The following FANCI variants were observed in gnomAD, a reference collection of about 807,000 sequenced individuals.
FANCI encodes FA complementation group I.
In FANCI, 156 loss-of-function variants were observed where a neutral mutation model predicts 176.1. The observed-to-expected ratio is 0.89, with a 90% CI of 0.78 to 1.01. The LOEUF (loss-of-function observed/expected upper bound fraction) is 1.01. FANCI is among the 50% of genes least tolerant of loss of function. The probability of loss-of-function intolerance (pLI) is 0.00; values close to 1 mark genes in which losing one functional copy is unlikely to be tolerated. For missense variants in FANCI, 1,678 were observed against 1,534.1 expected (o/e 1.09, Z -1.57); for synonymous variants, 613 against 541.7 (o/e 1.13, Z -1.83).
At chr15:89,276,523 C>G (rs555563839) in intron 12 of FANCI, among the ~76,000 whole-genome samples, 188 bp from the exon 13 acceptor site, 8 of 152,180 alleles carry the variant, frequency 5.3e-5, no homozygotes, top group Non-Finnish European at 1.2e-4. Flanking sequence ...CACTTGCCTG[C>G]TGTTCCCATT....
chr15:89,302,270 A>G (rs775705035), intron 27 of FANCI, among the ~76,000 whole-genome samples: 1 of 152,112 alleles, frequency 6.6e-6, no homozygotes, highest in Non-Finnish European at 1.5e-5. Context: ...CTGTCGTCCT[A>G]CTTCCAGGTT....
intron 10 of FANCI, among the ~76,000 whole-genome samples, chr15:89,269,382 T>TAAAATGTCTTTTGCAGCTGTGTA (rs1273964527): frequency 1.3e-5 from 2 of 152,166 alleles, no homozygotes; most frequent in Non-Finnish European, 2.9e-5. Context: ...CAGTTGTCTC[T>TAAAATGTCTTTTGCAGCTGTGTA]AAAATGTCTT....
chr15:89,316,610 T>A lies in FANCI; in HGVS notation c.*151T>A, dbSNP rs571347510. 460 of 1,105,786 alleles carry A rather than the reference T, an allele frequency of 4.2e-4. 5 individuals are homozygous for A. The South Asian group carries it at 5.7e-3, about 14-fold the overall frequency. 68.5% of individuals were successfully genotyped at this position (1,105,786 alleles called of 1,614,324 possible). ...ACTGCACCTTCAGTTAGAAGGAATCTTCTTGGCAGGTCCTGCTACTGAAAA... is the reference window on the plus strand; with the variant it reads ...ACTGCACCTTCAGTTAGAAGGAATCATCTTGGCAGGTCCTGCTACTGAAAA... On this transcript the variant is annotated 3_prime_UTR_variant, in exon 38 of 38. Coordinates refer to ENST00000310775, the MANE Select transcript of FANCI (RefSeq NM_001113378.2).
At chr15:89,250,352 T>C (rs898309459) in intron 2 of FANCI, among the ~76,000 whole-genome samples, 4 of 152,160 alleles carry the variant, frequency 2.6e-5, no homozygotes, top group Non-Finnish European at 5.9e-5. Context: ...CACCATGGAA[T>C]ACTATGCAGC....
rs201736462 is a variant in FANCI, at chr15:89,307,485, G to T, written c.3547G>T (p.Val1183Leu). 6.2e-7 allele frequency: 1 copy of T among 1,614,066 alleles called. No homozygotes were observed. Among genetic ancestry groups the T allele is most frequent in the East Asian group, 2.2e-5 (1 of 44,888 alleles). Residue 1183 changes from valine to leucine, a missense_variant, in exon 33 of 38, where the codon GTG becomes TTG. Physicochemically the swap from Val to Leu is conservative, Grantham distance 32 (BLOSUM62 1). Transcript: ENST00000310775. ...AATCTTTTTTTATTAGTATCTCCAG[G>T]TGTGTCAGAGCTCCGGAGGAATTCC... ...LTALVRYYLQVCQSSGGIPKN... is the reference protein window; with the variant it reads ...LTALVRYYLQLCQSSGGIPKN...
chr15:89,260,973 A>G (rs953403870), intron 4 of FANCI, 130 bp downstream of exon 4: 19 of 1,211,748 alleles, frequency 1.6e-5, no homozygotes, highest in Non-Finnish European at 2.3e-5. Flanking sequence ...TTGTTAAAAA[A>G]CAAAGAAGCA....
chr15:89,258,056 T>G (rs529844552), intron 2 of FANCI, among the ~76,000 whole-genome samples: 39 of 151,802 alleles, frequency 2.6e-4, no homozygotes, highest in Non-Finnish European at 5.7e-4. Flanking sequence ...TTTATTATTC[T>G]CCAGCCATGT....
At chr15:89,294,612 C>G (rs2054184293) in intron 23 of FANCI, among the ~76,000 whole-genome samples, 1 of 148,186 alleles carries the variant, frequency 6.7e-6, no homozygotes, top group South Asian at 2.2e-4. Flanking sequence ...GGGGGGGTGA[C>G]TGAATTAAAA....
intron 1 of FANCI, among the ~76,000 whole-genome samples, chr15:89,246,671 T>C (rs1192136106): frequency 2.6e-5 from 4 of 152,162 alleles, no homozygotes; most frequent in Non-Finnish European, 5.9e-5. Flanking sequence ...CAGTTCAAGC[T>C]TTCCTCTGCT....
rs2053580218 is a variant in FANCI at position 89,280,690 on chromosome 15, TA to T, written c.1382-478del. Among the ~76,000 whole-genome samples, 23 of 152,328 alleles carry T rather than the reference TA, an allele frequency of 1.5e-4. No individual in the cohort carries two copies. In the South Asian group the frequency reaches 4.6e-3, roughly 30 times the overall value. Reference sequence around the variant, plus strand: ...GTAGGCAATAAACTATGTTTGGAATTAATAGATATTTGATATTGCTCTGTGA... The same window carrying T: ...GTAGGCAATAAACTATGTTTGGAATTATAGATATTTGATATTGCTCTGTGA... On this transcript the variant is annotated intron_variant, in intron 14 of 37. Coordinates refer to ENST00000310775, the MANE Select transcript of FANCI (RefSeq NM_001113378.2).
intron 24 of FANCI, among the ~76,000 whole-genome samples, chr15:89,299,169 C>CAAAAA (rs34417823): frequency 9.1e-6 from 1 of 110,184 alleles, no homozygotes. Context: ...GACTCTGTCT[C>CAAAAA]AAAAAAAAAA....
rs1215033821 is a variant in FANCI, at chr15:89,284,252, TATA to T, written c.1699-838_1699-836del. ...TGTAATCTGGGAAAACAAAACTTTT[TATA>T]ATAATCTGGTAATCTAGGCTTTGGA... is the stretch of plus-strand genomic sequence containing the variant. On this transcript the variant is annotated intron_variant, in intron 17 of 37. Transcript: ENST00000310775. 2.0e-5 allele frequency among the ~76,000 whole-genome samples: 3 copies of T among 152,326 alleles called. No homozygotes were observed. In the East Asian group the frequency reaches 5.8e-4, roughly 29 times the overall value.
At chr15:89,267,126 G>T (rs1194189396) in intron 9 of FANCI, among the ~76,000 whole-genome samples, 2 of 152,016 alleles carry the variant, frequency 1.3e-5, no homozygotes, top group Non-Finnish European at 2.9e-5. Flanking sequence ...TTCAAGACCA[G>T]CCTGGATGAC....
chr15:89,317,002 GTCTTAGATAT>G lies in FANCI; in HGVS notation c.*544_*553del. The G allele has an allele frequency of 1.6e-6, 1 of 632,146 alleles. No homozygotes were observed. Among genetic ancestry groups the G allele is most frequent in the Non-Finnish European group, 2.8e-6 (1 of 355,428 alleles). 39.2% of individuals were successfully genotyped at this position (632,146 alleles called of 1,614,324 possible). Reference sequence around the variant, plus strand: ...GTCTGTTTTCTTTTTATATAAGTGTGTCTTAGATATATTTTAAATAGAAAATAAGCTTTCT... The same window carrying G: ...GTCTGTTTTCTTTTTATATAAGTGTGATTTTAAATAGAAAATAAGCTTTCT... On this transcript the variant is annotated 3_prime_UTR_variant, in exon 38 of 38. Transcript: ENST00000310775.
At chr15:89,313,415 A>G (rs868764327) in intron 35 of FANCI, among the ~76,000 whole-genome samples, 2 of 152,224 alleles carry the variant, frequency 1.3e-5, no homozygotes, top group Non-Finnish European at 2.9e-5. Flanking sequence ...TGAACCAAAA[A>G]CATGTTTTAT....
At chr15:89,245,631 G>T (rs1389044918) in intron 1 of FANCI, 1 of 152,146 alleles carries the variant, frequency 6.6e-6, no homozygotes, top group East Asian at 1.9e-4. Context: ...ATGTGGAAGG[G>T]CCTGTGGCAG....
At chr15:89,313,195 C>G (rs2055038436) in intron 35 of FANCI, among the ~76,000 whole-genome samples, 1 of 151,432 alleles carries the variant, frequency 6.6e-6, no homozygotes, top group Admixed American at 6.6e-5. Flanking sequence ...TATGGAATTT[C>G]TTTTGGGGGT....
intron 2 of FANCI, among the ~76,000 whole-genome samples, chr15:89,257,920 T>C (rs1567140831): frequency 6.6e-6 from 1 of 152,228 alleles, no homozygotes; most frequent in Non-Finnish European, 1.5e-5. Context: ...CCCATTTCCT[T>C]CTTTTCTCTT....
At chr15:89,312,336 TC>T (rs1164601951) in intron 34 of FANCI, among the ~76,000 whole-genome samples, 3 of 152,216 alleles carry the variant, frequency 2.0e-5, no homozygotes, top group Non-Finnish European at 4.4e-5. Flanking sequence ...GCAGTAATAG[TC>T]CTGCCTTCAA....
Sources: allele counts gnomAD v4.1 joint callset (sites outside exome capture counted in the v4.1 genomes callset), GRCh38; gene constraint gnomAD v4.1.1; transcripts MANE v1.5; gene names NCBI Gene and HGNC (gene_info 2026-07-23, HGNC 2026-07-21).